The following CLCN5 variants were observed in gnomAD, a reference collection of about 807,000 sequenced individuals.
The protein encoded by CLCN5 is H(+)/Cl(-) exchange transporter 5.
A neutral mutation model predicts 54.0 loss-of-function variants in CLCN5; 17 were observed. That is an observed-to-expected ratio of 0.31 (90% CI 0.22 to 0.47). The LOEUF (loss-of-function observed/expected upper bound fraction) is 0.47. Ranked by LOEUF, CLCN5 falls within the 20% of genes least tolerant of loss-of-function variation. The pLI, the probability that CLCN5 is intolerant of heterozygous loss-of-function variation, is 1.00. For synonymous variants in CLCN5, 222 were observed against 233.0 expected, an observed-to-expected ratio of 0.95 and a Z score of 0.43; for missense variants, 448 against 646.7, an observed-to-expected ratio of 0.69 and a Z score of 3.33.
intron 3 of CLCN5, among the ~76,000 whole-genome samples, chrX:49,930,603 G>A (rs1557168720): frequency 9.0e-6 from 1 of 111,261 alleles, no homozygotes; most frequent in African/African-American, 3.3e-5. Context: ...CCGAACTGTT[G>A]ATACAGTCAT....
At chrX:50,010,143 T>A (rs1930421345) in intron 3 of CLCN5, among the ~76,000 whole-genome samples, 1 of 111,495 alleles carries the variant, frequency 9.0e-6, no homozygotes, top group Non-Finnish European at 1.9e-5. Context: ...TGATACTTGT[T>A]TCTTGTTTTT....
At chrX:49,933,601 T>C (rs1925773194) in intron 3 of CLCN5, among the ~76,000 whole-genome samples, 1 of 112,166 alleles carries the variant, frequency 8.9e-6, no homozygotes, top group East Asian at 2.8e-4. Flanking sequence ...GCTCTGTCAC[T>C]ACTAGCCATG....
At chrX:50,057,821 G>T (rs1557189260) in intron 4 of CLCN5, among the ~76,000 whole-genome samples, 1 of 109,921 alleles carries the variant, frequency 9.1e-6, no homozygotes, top group Admixed American at 9.7e-5. Flanking sequence ...TCCTACAAAT[G>T]TTGATTAATT....
chrX:50,067,194 A>C (rs57299412), intron 4 of CLCN5, among the ~76,000 whole-genome samples: 1 of 111,483 alleles, frequency 9.0e-6, no homozygotes, highest in African/African-American at 3.3e-5. Context: ...ATCGTAATGA[A>C]TGTTTTGTGC....
chrX:50,036,643 T>C (rs1162434778), intron 3 of CLCN5, among the ~76,000 whole-genome samples: 1 of 112,206 alleles, frequency 8.9e-6, no homozygotes, highest in African/African-American at 3.2e-5. Flanking sequence ...TAAGTTATTT[T>C]TGGACTCCCT....
intron 3 of CLCN5, among the ~76,000 whole-genome samples, chrX:49,957,486 C>T (rs1379403907): frequency 3.6e-5 from 4 of 111,774 alleles, no homozygotes; most frequent in Admixed American, 9.5e-5. Context: ...TTGTGCCAGG[C>T]ACTATGTTGC....
intron 11 of CLCN5, among the ~76,000 whole-genome samples, chrX:50,087,506 CAGA>C (rs1473458537): frequency 1.8e-5 from 2 of 111,862 alleles, no homozygotes; most frequent in Non-Finnish European, 3.8e-5. Context: ...TTCCACGTTT[CAGA>C]AGAAGCCAGA....
At chrX:49,943,707 G>A (rs1273131413) in intron 3 of CLCN5, among the ~76,000 whole-genome samples, 14 of 111,107 alleles carry the variant, frequency 1.3e-4, no homozygotes, top group African/African-American at 4.6e-4. Flanking sequence ...AAGATCAGAT[G>A]GTTGTAGATA....
intron 7 of CLCN5, among the ~76,000 whole-genome samples, chrX:50,080,041 C>G (rs782029066): frequency 9.0e-6 from 1 of 111,110 alleles, no homozygotes; most frequent in East Asian, 2.8e-4. Context: ...ATGTTGTACA[C>G]CTTAAATACA....
chrX:50,029,471 AG>A (rs1931583707), intron 3 of CLCN5, among the ~76,000 whole-genome samples: 1 of 111,090 alleles, frequency 9.0e-6, no homozygotes, highest in African/African-American at 3.3e-5. Context: ...GTCCCTACAA[AG>A]GACATGAACT....
rs570925781 is a variant in CLCN5 at position 49,931,607 on chromosome X, T to C, written c.16+6293T>C. On this transcript the variant is annotated intron_variant, in intron 3 of 14. Coordinates refer to ENST00000376091, the MANE Select transcript of CLCN5 (RefSeq NM_001127898.4). ...ATATCTGGCCATTAAAAATAAAGAC[T>C]AGCTGGGTGTGGTGGCTTACACCTG... 7.2e-5 allele frequency among the ~76,000 whole-genome samples: 8 copies of C among 111,378 alleles called. No individual in the cohort carries two copies. In the South Asian group the frequency reaches 3.0e-3, roughly 42 times the overall value.
rs782220968 is a variant in CLCN5, at chrX:50,016,435, C to T, written c.17-25881C>T. On this transcript the variant is annotated intron_variant, in intron 3 of 14. Coordinates refer to ENST00000376091, the MANE Select transcript of CLCN5 (RefSeq NM_001127898.4). ...AAAGTATAGAGTTGTTATATATTCT[C>T]GAGACACCCCAGTTTCCGCTATTAA... Among the ~76,000 whole-genome samples the T allele has an allele frequency of 2.7e-5, 3 of 110,039 alleles. No individual in the cohort carries two copies. In the South Asian group the frequency reaches 1.2e-3, roughly 43 times the overall value.
At chrX:50,076,471 C>A (rs375057182) in intron 7 of CLCN5, among the ~76,000 whole-genome samples, 37 of 112,156 alleles carry the variant, frequency 3.3e-4, no homozygotes, top group African/African-American at 1.0e-3. Context: ...TGCCTATCAT[C>A]CCATTTTGTA....
chrX:50,017,601 T>C (rs1306059618), intron 3 of CLCN5, among the ~76,000 whole-genome samples: 2 of 111,535 alleles, frequency 1.8e-5, no homozygotes, highest in African/African-American at 6.5e-5. Flanking sequence ...TCTAGGAGTT[T>C]TATAGTTCTG....
intron 9 of CLCN5, among the ~76,000 whole-genome samples, chrX:50,082,289 A>G (rs782564618): frequency 9.1e-6 from 1 of 110,416 alleles, no homozygotes; most frequent in African/African-American, 3.3e-5. Context: ...AATGTCTGGA[A>G]GGTGGTTTTA....
chrX:50,059,973 T>G (rs782048562), intron 4 of CLCN5, among the ~76,000 whole-genome samples: 1 of 103,687 alleles, frequency 9.6e-6, no homozygotes, highest in East Asian at 3.0e-4. Context: ...ATAATGTAAA[T>G]CATACTAGAT....
At chrX:50,056,988 C>A (rs1932760338) in intron 4 of CLCN5, among the ~76,000 whole-genome samples, 1 of 111,966 alleles carries the variant, frequency 8.9e-6, no homozygotes, top group Admixed American at 9.5e-5. Flanking sequence ...TCTTTGTTGT[C>A]CTTCCTGCGT....
chrX:49,953,277 C>T (rs1464347682), intron 3 of CLCN5, among the ~76,000 whole-genome samples: 1 of 111,705 alleles, frequency 9.0e-6, no homozygotes, highest in Non-Finnish European at 1.9e-5. Flanking sequence ...TATATTGACA[C>T]CTCTTCATCT....
chrX:49,928,391 A>G (rs1557168340), intron 3 of CLCN5, among the ~76,000 whole-genome samples: 2 of 112,552 alleles, frequency 1.8e-5, no homozygotes, highest in South Asian at 7.3e-4. Flanking sequence ...AGTAAATGCC[A>G]TATAAGTGTA....
Sources: gnomAD v4.1 joint callset for allele counts (sites outside exome capture counted in the v4.1 genomes callset) on GRCh38, gnomAD v4.1.1 for gene constraint, MANE v1.5 for transcripts, NCBI Gene and HGNC (gene_info 2026-07-23, HGNC 2026-07-21) for gene names.